HEMK2: variants seen among roughly 807,000 people sequenced by gnomAD.
HEMK2 encodes HemK methyltransferase 2, ETF1 glutamine and histone H4 lysine.
At chr21:28,857,226 T>C in the HEMK2 span, among the ~76,000 whole-genome samples, 833 of 152,252 alleles carry the variant, frequency 5.5e-3, 27 homozygotes, top group Admixed American at 0.049. Context: ...CTTTATTTTA[T>C]TGAATTTGTT....
At chr21:28,718,887 A>T in the HEMK2 span, among the ~76,000 whole-genome samples, 1 of 152,340 alleles carries the variant, frequency 6.6e-6, no homozygotes, top group African/African-American at 2.4e-5. Flanking sequence ...AGTATCAAAA[A>T]TTCTTGCAAA....
chr21:28,707,741 G>C, the HEMK2 span, among the ~76,000 whole-genome samples: 1 of 151,888 alleles, frequency 6.6e-6, no homozygotes, highest in Non-Finnish European at 1.5e-5. Flanking sequence ...GGGTTACCGA[G>C]AATAAGTCAA....
chr21:28,580,905 C>T, the HEMK2 span, among the ~76,000 whole-genome samples: 4 of 152,146 alleles, frequency 2.6e-5, no homozygotes, highest in African/African-American at 7.2e-5. Flanking sequence ...TCTTATATCC[C>T]CAGTTCCTAG....
chr21:28,590,662 T>C, the HEMK2 span, among the ~76,000 whole-genome samples: 58,713 of 152,020 alleles, frequency 0.39, 11,757 homozygotes, highest in Middle Eastern at 0.48. Flanking sequence ...ATCTGCCAAT[T>C]ATGAAGCAGC....
At chr21:28,831,531 G>T in the HEMK2 span, among the ~76,000 whole-genome samples, 8 of 72,302 alleles carry the variant, frequency 1.1e-4, no homozygotes, top group Admixed American at 4.7e-4. Context: ...AAGAAGGAAA[G>T]AAGGAAAGAA....
At chr21:28,796,400 A>G in the HEMK2 span, among the ~76,000 whole-genome samples, 1 of 152,210 alleles carries the variant, frequency 6.6e-6, no homozygotes. Context: ...TCAGCCTCCC[A>G]AAGCGCTGGG....
chr21:28,588,223 G>A, the HEMK2 span, among the ~76,000 whole-genome samples: 2 of 152,174 alleles, frequency 1.3e-5, no homozygotes, highest in Non-Finnish European at 1.5e-5. Context: ...AAAAAAAAGT[G>A]TTGTAAGAAA....
At chr21:28,608,867 A>G in the HEMK2 span, among the ~76,000 whole-genome samples, 2 of 152,096 alleles carry the variant, frequency 1.3e-5, no homozygotes, top group African/African-American at 4.8e-5. Flanking sequence ...CATTGGCCTG[A>G]GAACCACACC....
chr21:28,653,131 C>G, the HEMK2 span, among the ~76,000 whole-genome samples: 2 of 152,010 alleles, frequency 1.3e-5, no homozygotes, highest in African/African-American at 4.8e-5. Flanking sequence ...CCCTGCTCCA[C>G]AAGGAGCAGT....
chr21:28,804,195 C>T, the HEMK2 span, among the ~76,000 whole-genome samples: 1 of 151,968 alleles, frequency 6.6e-6, no homozygotes, highest in Non-Finnish European at 1.5e-5. Flanking sequence ...AACCTTTTTC[C>T]CATCTCTTCT....
At chr21:28,831,462 C>CGAAAGAAAGAGAGAAA in the HEMK2 span, among the ~76,000 whole-genome samples, 32 of 23,660 alleles carry the variant, frequency 1.4e-3, 1 homozygote, top group Admixed American at 1.8e-3. Context: ...AAGAAAAGAA[C>CGAAAGAAAGAGAGAAA]GAAAGAAAGA....
At chr21:28,685,585 A>C in the HEMK2 span, among the ~76,000 whole-genome samples, 2 of 152,234 alleles carry the variant, frequency 1.3e-5, no homozygotes, top group Non-Finnish European at 2.9e-5. Flanking sequence ...GGTTATGCAC[A>C]CTTAGATTTC....
At chr21:28,648,014 C>T in the HEMK2 span, among the ~76,000 whole-genome samples, 6 of 152,164 alleles carry the variant, frequency 3.9e-5, no homozygotes, top group African/African-American at 1.4e-4. Flanking sequence ...GTGTAATTAC[C>T]AGATTATAAT....
At chr21:28,792,382 T>A in the HEMK2 span, among the ~76,000 whole-genome samples, 1 of 152,158 alleles carries the variant, frequency 6.6e-6, no homozygotes, top group Non-Finnish European at 1.5e-5. Flanking sequence ...TTGCTCAAGA[T>A]CCGATACCCC....
chr21:28,693,412 T>C, the HEMK2 span, among the ~76,000 whole-genome samples: 2 of 152,268 alleles, frequency 1.3e-5, no homozygotes, highest in South Asian at 4.1e-4. Flanking sequence ...CTATGACTTA[T>C]AACATTTTCA....
the HEMK2 span, among the ~76,000 whole-genome samples, chr21:28,864,896 TAGATATAGATAGATGATATAGATA>T: frequency 4.5e-5 from 4 of 88,484 alleles, no homozygotes; most frequent in East Asian, 1.0e-3. Context: ...AGATGATAGA[TAGATATAGATAGATGATATAGATA>T]GATAGACAGA....
At chr21:28,622,021 T>C in the HEMK2 span, among the ~76,000 whole-genome samples, 1 of 152,214 alleles carries the variant, frequency 6.6e-6, no homozygotes, top group Non-Finnish European at 1.5e-5. Context: ...TTGCTTTCCA[T>C]TTGCTTGGTA....
chr21:28,852,022 G>A, the HEMK2 span, among the ~76,000 whole-genome samples: 2 of 152,166 alleles, frequency 1.3e-5, no homozygotes, highest in African/African-American at 4.8e-5. Context: ...TTAAGCTTAC[G>A]ATAATCCACT....
the HEMK2 span, among the ~76,000 whole-genome samples, chr21:28,859,102 T>C: frequency 6.6e-6 from 1 of 152,222 alleles, no homozygotes; most frequent in African/African-American, 2.4e-5. Context: ...TTGTTATTTC[T>C]ACCTAGAAGC....
Sources: allele counts gnomAD v4.1 joint callset (sites outside exome capture counted in the v4.1 genomes callset), GRCh38; gene constraint gnomAD v4.1.1; transcripts MANE v1.5; gene names NCBI Gene and HGNC (gene_info 2026-07-23, HGNC 2026-07-21).